ZDHHC8: variants seen among roughly 807,000 people sequenced by gnomAD.
The protein encoded by ZDHHC8 is zDHHC palmitoyltransferase 8.
Under a neutral mutation model 61.2 loss-of-function variants are expected in ZDHHC8, and 24 were observed. That is an observed-to-expected ratio of 0.39 (90% confidence interval 0.28 to 0.55). The LOEUF (loss-of-function observed/expected upper bound fraction) is 0.55, where lower values mean the gene tolerates loss of function less well. ZDHHC8 is among the 20% of genes least tolerant of loss of function. The pLI is 0.60. For synonymous variants in ZDHHC8, 523 were observed against 492.5 expected (o/e 1.06, Z -0.82); for missense variants, 935 against 1,102.1 (o/e 0.85, Z 2.15).
chr22:20,145,877 CCTAA>C lies in ZDHHC8; in HGVS notation c.*483_*486del, dbSNP rs2050518005. ...ACCGAGTGTCCCCCGCCAGGCTACT[CCTAA>C]CTAACGCGTTGCCTTTCACGGACCC... On this transcript the variant is annotated 3_prime_UTR_variant, in exon 11 of 11. Coordinates refer to ENST00000334554, the MANE Select transcript of ZDHHC8 (RefSeq NM_013373.4). 5.1e-6 allele frequency: 5 copies of C among 986,050 alleles called. No individual in the cohort carries two copies. The highest frequency in any genetic ancestry group is 5.2e-4 in the Middle Eastern group (1 of 1,936). The allele number at this position is 986,050 out of a possible 1,614,324, so 61.1% of individuals were successfully genotyped here.
intron 1 of ZDHHC8, among the ~76,000 whole-genome samples, chr22:20,135,648 C>T (rs765707936): frequency 1.3e-5 from 2 of 152,250 alleles, no homozygotes; most frequent in Non-Finnish European, 2.9e-5. Flanking sequence ...CCTCATGAGT[C>T]TGGGGAACCT....
chr22:20,146,226 T>C lies in ZDHHC8; in HGVS notation c.*826T>C. 1.0e-6 allele frequency: 1 copy of C among 985,448 alleles called. No homozygotes were observed. Among genetic ancestry groups the C allele is most frequent in the Non-Finnish European group, 1.2e-6 (1 of 829,910 alleles). 61.0% of individuals were successfully genotyped at this position (985,448 alleles called of 1,614,324 possible). A position where few individuals can be genotyped will look rare whatever the true frequency, so the allele number is the denominator to read the frequency against. ...AGCCCCCTCCCCAGCCCTCAGGCCC[T>C]CCCTGCCAAACTGGAGAACCCCACC... On this transcript the variant is annotated 3_prime_UTR_variant, in exon 11 of 11. Transcript: ENST00000334554.
intron 5 of ZDHHC8, 153 bp from the exon 6 acceptor site, chr22:20,140,464 A>T (rs376605582): frequency 1.7e-5 from 15 of 868,614 alleles, no homozygotes; most frequent in Admixed American, 2.9e-5. Flanking sequence ...CAGGCTGGGT[A>T]ACCTATGTGA....
chr22:20,140,246 C>T, intron 5 of ZDHHC8, 29 bp downstream of exon 5: 1 of 1,601,506 alleles, frequency 6.2e-7, no homozygotes, highest in Non-Finnish European at 8.5e-7. Context: ...ATGGGTGGCC[C>T]CAAAGGGCCG....
At chr22:20,140,297 C>T in intron 5 of ZDHHC8, 80 bp downstream of exon 5, 2 of 1,395,146 alleles carry the variant, frequency 1.4e-6, no homozygotes, top group South Asian at 1.3e-5. Context: ...GGGGCTGGGG[C>T]ACCCTTGCCT....
In ZDHHC8 at chr22:20,142,914, C is replaced by T. The variant is rs376957136; in HGVS notation, c.1284C>T (p.Gly428=). The change falls in exon 10 of 11, where the codon GGC becomes GGT. Residue 428 remains glycine (G), a synonymous_variant. Transcript: ENST00000334554. ...PPLSASDAFS[G]ALRSLSLKAS... is the part of the protein sequence containing the mutation. ...TCAGCGCCTCTGATGCCTTCTCGGG[C>T]GCTTTGCGCTCCCTGAGCCTCAAGG... The T allele has an allele frequency of 1.3e-5, 21 of 1,608,230 alleles. No individual in the cohort carries two copies. The highest frequency in any genetic ancestry group is 1.7e-5 in the Non-Finnish European group (20 of 1,177,476).
At position 20,146,738 on chromosome 22, in the gene ZDHHC8, C is replaced by A; in HGVS notation, c.*1338C>A. ...GGGAAAGACTTGGGTCTGCCGCTAC[C>A]CACAGGGGACTCTCAGGAACCCGAG... On this transcript the variant is annotated 3_prime_UTR_variant, in exon 11 of 11. Coordinates refer to ENST00000334554, the MANE Select transcript of ZDHHC8 (RefSeq NM_013373.4). 1 of 1,194,350 alleles carries A rather than the reference C, an allele frequency of 8.4e-7. No individual in the cohort carries two copies. Among genetic ancestry groups the A allele is most frequent in the Non-Finnish European group, 1.0e-6 (1 of 964,168 alleles). 74.0% of individuals were successfully genotyped at this position (1,194,350 alleles called of 1,614,324 possible).
rs2050456177 is a variant in ZDHHC8, at chr22:20,140,222, A to T, written c.660+5A>T. 6.2e-7 allele frequency: 1 copy of T among 1,611,068 alleles called. No homozygotes were observed. Among genetic ancestry groups the T allele is most frequent in the South Asian group, 1.1e-5 (1 of 91,028 alleles). On this transcript the variant is annotated splice_donor_5th_base_variant and intron_variant, in intron 5 of 10. Transcript: ENST00000334554. ...GGGCGCACCACCAACGAGCAGGTGCAGACCCCATGGGGGATGGGTGGCCCC... is the reference window on the plus strand; with the variant it reads ...GGGCGCACCACCAACGAGCAGGTGCTGACCCCATGGGGGATGGGTGGCCCC...
At position 20,142,335 on chromosome 22, in the gene ZDHHC8, G is replaced by T. The variant is rs140698197; in HGVS notation, c.1126-421G>T. On this transcript the variant is annotated intron_variant, in intron 9 of 10. Coordinates refer to ENST00000334554, the MANE Select transcript of ZDHHC8 (RefSeq NM_013373.4). ...ACTCCTGGGTCCAGTGGGGGATTGG[G>T]TCTGGTTGGCCAAGTGCATTGAGCC... Among the ~76,000 whole-genome samples, 18 of 152,316 alleles carry T rather than the reference G, an allele frequency of 1.2e-4. No individual in the cohort carries two copies. In the East Asian group the frequency reaches 3.5e-3, roughly 29 times the overall value.
chr22:20,137,350 C>T (rs896730831), intron 1 of ZDHHC8, among the ~76,000 whole-genome samples: 8 of 152,242 alleles, frequency 5.3e-5, no homozygotes, highest in African/African-American at 1.9e-4. Flanking sequence ...GCGAACACAC[C>T]CCCAAGGCCC....
chr22:20,133,691 C>G (rs1426075023), intron 1 of ZDHHC8, among the ~76,000 whole-genome samples: 1 of 146,576 alleles, frequency 6.8e-6, no homozygotes, highest in African/African-American at 2.6e-5. Flanking sequence ...CACTGCACTC[C>G]AGCCTGGGTG....
At position 20,144,758 on chromosome 22, in the gene ZDHHC8, G is replaced by A. The variant is rs537814329; in HGVS notation, c.2127-471G>A. Among the ~76,000 whole-genome samples, 8 of 152,346 alleles carry A rather than the reference G, an allele frequency of 5.3e-5. No individual in the cohort carries two copies. In the South Asian group the frequency reaches 6.2e-4, roughly 12 times the overall value. ...CGCAGCCCGGGGACAAAGGGCTCTC[G>A]CCTCAAGAAGGTTTAAGTAGCAAAG... On this transcript the variant is annotated intron_variant, in intron 10 of 10. Coordinates refer to ENST00000334554, the MANE Select transcript of ZDHHC8 (RefSeq NM_013373.4).
chr22:20,132,326 C>T (rs2050383661), intron 1 of ZDHHC8, among the ~76,000 whole-genome samples: 1 of 152,218 alleles, frequency 6.6e-6, no homozygotes, highest in Non-Finnish European at 1.5e-5. Context: ...TGGCGGGGAG[C>T]GCTGGGCCCT....
intron 1 of ZDHHC8, 36 bp from the exon 2 acceptor site, chr22:20,139,158 C>T (rs2050445435): frequency 3.1e-6 from 5 of 1,602,462 alleles, no homozygotes; most frequent in African/African-American, 1.3e-5. Context: ...CTCTGCACCC[C>T]CAGACTCCAC....
rs1351955636 is a variant in ZDHHC8 at position 20,143,262 on chromosome 22, G to A, written c.1632G>A (p.Leu544=). 1 of 1,606,214 alleles carries A rather than the reference G, an allele frequency of 6.2e-7. No individual in the cohort carries two copies. The highest frequency in any genetic ancestry group is 1.3e-5 in the African/African-American group (1 of 74,902). The change falls in exon 10 of 11, where the codon CTG becomes CTA. Residue 544 remains leucine, a synonymous_variant. Transcript: ENST00000334554. ...CCTCGCCTGTGCGCTACGACAACCT[G>A]TCCAGGACCATCATGGCATCCATCC... ...REPSPVRYDN[L]SRTIMASIQE...
chr22:20,142,657 C>G lies in ZDHHC8; in HGVS notation c.1126-99C>G, dbSNP rs1464058585. On this transcript the variant is annotated intron_variant, in intron 9 of 10. Transcript: ENST00000334554. ...TCTTATGGCTCCTTGAGGCCCAGTT[C>G]CTGAGGCCACGGTGCCATGTGTGGC... 2.0e-6 allele frequency: 3 copies of G among 1,506,628 alleles called. No individual in the cohort carries two copies. In the Admixed American group the frequency reaches 5.7e-5, roughly 29 times the overall value. The allele number at this position is 1,506,628 out of a possible 1,614,324, so 93.3% of individuals were successfully genotyped here.
chr22:20,136,802 T>C (rs2050424895), intron 1 of ZDHHC8, among the ~76,000 whole-genome samples: 2 of 152,246 alleles, frequency 1.3e-5, no homozygotes, highest in South Asian at 2.1e-4. Context: ...TGTGTGTTTA[T>C]GTGTGTACAT....
rs1310129814 is a variant in ZDHHC8 at position 20,147,180 on chromosome 22, C to T, written c.*1780C>T. On this transcript the variant is annotated 3_prime_UTR_variant, in exon 11 of 11. Coordinates refer to ENST00000334554, the MANE Select transcript of ZDHHC8 (RefSeq NM_013373.4). ...GGGCACCCCCACGCGGGGCCATGTG[C>T]CGCCTGCACTTGGCTGCCTCCAGTC... The T allele has an allele frequency of 2.0e-6, 3 of 1,521,986 alleles. No homozygotes were observed. Among genetic ancestry groups the T allele is most frequent in the Non-Finnish European group, 2.6e-6 (3 of 1,134,006 alleles). The allele number at this position is 1,521,986 out of a possible 1,614,324, so 94.3% of individuals were successfully genotyped here.
At chr22:20,132,164 C>G in intron 1 of ZDHHC8, 113 bp downstream of exon 1, 1 of 556,890 alleles carries the variant, frequency 1.8e-6, no homozygotes, top group Non-Finnish European at 2.4e-6. Flanking sequence ...AGTGGGCGGG[C>G]GGGGCGCCGG....
Sources: gnomAD v4.1 joint callset for allele counts (sites outside exome capture counted in the v4.1 genomes callset) on GRCh38, gnomAD v4.1.1 for gene constraint, MANE v1.5 for transcripts, NCBI Gene and HGNC (gene_info 2026-07-23, HGNC 2026-07-21) for gene names.